The following DOCK11 variants were observed in gnomAD, a reference collection of about 807,000 sequenced individuals.
DOCK11 encodes the protein dedicator of cytokinesis 11.
Under a neutral mutation model 169.1 loss-of-function variants are expected in DOCK11, and 70 were observed. The ratio of observed to expected loss-of-function variants is 0.41; its 90% CI spans 0.34 to 0.51. The LOEUF (loss-of-function observed/expected upper bound fraction) is 0.51. DOCK11 is among the 20% of genes least tolerant of loss of function. The pLI is 0.10. For synonymous variants in DOCK11, 529 were observed against 541.3 expected, an observed-to-expected ratio of 0.98 and a Z score of 0.32; for missense variants, 1,166 against 1,538.8, an observed-to-expected ratio of 0.76 and a Z score of 4.05.
intron 1 of DOCK11, among the ~76,000 whole-genome samples, chrX:118,502,998 T>G (rs1434355216): frequency 9.1e-6 from 1 of 110,138 alleles, no homozygotes; most frequent in Non-Finnish European, 1.9e-5. Context: ...ATGGACTCAT[T>G]GTTGGGAGAA....
chrX:118,614,746 A>G lies in DOCK11; in HGVS notation c.3151A>G (p.Ile1051Val), dbSNP rs1398702969. 2.5e-6 allele frequency: 3 copies of G among 1,192,057 alleles called. No homozygotes were observed. The highest frequency in any genetic ancestry group is 2.2e-5 in the Admixed American group (1 of 44,755). The change falls in exon 29 of 53, where the codon ATA becomes GTA. Residue 1051 changes from isoleucine (I) to valine (V), a missense_variant. Transcript: ENST00000276202. ...GFIFNLINDY[I>V]SGFSPKDPKV... The stretch of plus-strand genomic sequence containing the variant: ...TATTTTCAATTTAATAAATGACTAT[A>G]TATCTGGATTCAGCCCCAAAGATCC...
At chrX:118,568,981 A>G (rs1475166309) in intron 10 of DOCK11, among the ~76,000 whole-genome samples, 1 of 109,094 alleles carries the variant, frequency 9.2e-6, no homozygotes, top group Non-Finnish European at 1.9e-5. Flanking sequence ...TGTGCATTAC[A>G]GTTTTTTCTT....
Position 118,585,032 on chromosome X carries a change from T to C in DOCK11, c.1719-9T>C. 1 of 1,203,986 alleles carries C rather than the reference T, an allele frequency of 8.3e-7. No homozygotes were observed. The highest frequency in any genetic ancestry group is 1.1e-6 in the Non-Finnish European group (1 of 889,003). On this transcript the variant is annotated splice_polypyrimidine_tract_variant and intron_variant, in intron 15 of 52. Transcript: ENST00000276202. ...TTTTAACTCTAAAATATTATTATTT[T>C]ATACCCAGGCCAGAAAAGACCAAAC...
intron 1 of DOCK11, among the ~76,000 whole-genome samples, chrX:118,506,286 C>T (rs1482244674): frequency 3.6e-5 from 4 of 110,229 alleles, no homozygotes; most frequent in African/African-American, 1.3e-4. Flanking sequence ...AAACCAAAAC[C>T]AAAAAACCTT....
intron 16 of DOCK11, 97 bp downstream of exon 16, chrX:118,585,214 T>C: frequency 6.4e-6 from 5 of 786,133 alleles, no homozygotes; most frequent in Non-Finnish European, 9.4e-6. Context: ...GCATATTAGT[T>C]TCCCAGGGTT....
intron 1 of DOCK11, among the ~76,000 whole-genome samples, chrX:118,498,239 A>G (rs1388410776): frequency 2.7e-5 from 3 of 112,526 alleles, no homozygotes; most frequent in Non-Finnish European, 5.6e-5. Context: ...GCCACACACA[A>G]TGCTAGATGC....
intron 23 of DOCK11, among the ~76,000 whole-genome samples, chrX:118,600,554 C>T (rs778357124): frequency 9.0e-6 from 1 of 111,327 alleles, no homozygotes; most frequent in Non-Finnish European, 1.9e-5. Flanking sequence ...CAAATAATAT[C>T]CCTATTGTCA....
At chrX:118,678,846 C>T (rs1167211176) in intron 48 of DOCK11, among the ~76,000 whole-genome samples, 1 of 111,092 alleles carries the variant, frequency 9.0e-6, no homozygotes. Flanking sequence ...TCACAGCTCA[C>T]GGCAGCCTTG....
chrX:118,648,595 TA>T (rs1285569880), intron 40 of DOCK11, among the ~76,000 whole-genome samples: 30 of 88,843 alleles, frequency 3.4e-4, no homozygotes, highest in Non-Finnish European at 6.1e-4. Flanking sequence ...ATATAATATA[TA>T]TAATATATTA....
chrX:118,585,864 A>G (rs1192679328), intron 16 of DOCK11, among the ~76,000 whole-genome samples: 1 of 112,282 alleles, frequency 8.9e-6, no homozygotes, highest in Non-Finnish European at 1.9e-5. Flanking sequence ...CACAATTTGC[A>G]AGAGATAAAA....
chrX:118,501,457 G>A (rs1174596272), intron 1 of DOCK11, among the ~76,000 whole-genome samples: 7 of 112,329 alleles, frequency 6.2e-5, no homozygotes, highest in Admixed American at 3.8e-4. Flanking sequence ...CTGCACTCCA[G>A]CCTAGGCGAC....
At chrX:118,567,065 T>C (rs1231488916) in intron 9 of DOCK11, among the ~76,000 whole-genome samples, 1 of 112,304 alleles carries the variant, frequency 8.9e-6, no homozygotes, top group Non-Finnish European at 1.9e-5. Flanking sequence ...TATGTAAATA[T>C]ATGTGTATAT....
intron 48 of DOCK11, among the ~76,000 whole-genome samples, chrX:118,680,020 AAGCTCAAGTGATTCTC>A (rs1364262337): frequency 2.1e-5 from 2 of 94,295 alleles, no homozygotes; most frequent in Non-Finnish European, 4.0e-5. Flanking sequence ...TCCGCCTCCC[AAGCTCAAGTGATTCTC>A]CTGCCTCAGC....
At chrX:118,599,500 AT>A (rs771769506) in intron 23 of DOCK11, among the ~76,000 whole-genome samples, 192 of 111,499 alleles carry the variant, frequency 1.7e-3, no homozygotes, top group African/African-American at 6.0e-3. Flanking sequence ...CCATAAATTG[AT>A]TTTTCAGGGG....
chrX:118,658,224 A>G (rs2016127163), intron 44 of DOCK11, among the ~76,000 whole-genome samples: 2 of 112,374 alleles, frequency 1.8e-5, no homozygotes, highest in Admixed American at 1.9e-4. Flanking sequence ...GCATTAGAGT[A>G]TATTTTAAAT....
intron 32 of DOCK11, among the ~76,000 whole-genome samples, chrX:118,624,917 C>G (rs2147484874): frequency 9.2e-6 from 1 of 108,933 alleles, no homozygotes; most frequent in East Asian, 2.9e-4. Flanking sequence ...CGCCACCATG[C>G]CCAGCTAATG....
chrX:118,666,243 C>T (rs111838511), intron 45 of DOCK11, among the ~76,000 whole-genome samples: 1 of 111,877 alleles, frequency 8.9e-6, no homozygotes, highest in Non-Finnish European at 1.9e-5. Flanking sequence ...GGCAACAGAA[C>T]GAGACTGTGT....
intron 45 of DOCK11, among the ~76,000 whole-genome samples, chrX:118,669,885 G>A: frequency 9.0e-6 from 1 of 111,196 alleles, no homozygotes; most frequent in East Asian, 2.8e-4. Context: ...CTGACTTGTG[G>A]CTGCATCACT....
chrX:118,598,186 G>A lies in DOCK11; in HGVS notation c.2472+70G>A, dbSNP rs1247204070. The A allele has an allele frequency of 3.8e-6, 3 of 789,831 alleles. No homozygotes were observed. In the Admixed American group the frequency reaches 7.3e-5, roughly 19 times the overall value. 65.1% of individuals were successfully genotyped at this position (789,831 alleles called of 1,213,427 possible). A position where few individuals can be genotyped will look rare whatever the true frequency, so the allele number is the denominator to read the frequency against. ...TGTTTGATTAAAATAGACCACATTT[G>A]ATTCCTACAGCCTTAGAGAATATGT... On this transcript the variant is annotated intron_variant, in intron 22 of 52. Coordinates refer to ENST00000276202, the MANE Select transcript of DOCK11 (RefSeq NM_144658.4).
Sources: gnomAD v4.1 joint callset for allele counts (sites outside exome capture counted in the v4.1 genomes callset) on GRCh38, gnomAD v4.1.1 for gene constraint, MANE v1.5 for transcripts, NCBI Gene and HGNC (gene_info 2026-07-23, HGNC 2026-07-21) for gene names.